Variants in WWOX observed in about 807,000 individuals in gnomAD.
WWOX encodes WW domain-containing oxidoreductase.
A neutral mutation model predicts 46.2 loss-of-function variants in WWOX; 69 were observed. The observed-to-expected ratio is 1.49, with a 90% confidence interval of 1.23 to 1.82. The LOEUF (loss-of-function observed/expected upper bound fraction) is 1.82. Among genes scored for constraint, WWOX ranks in the 40% most tolerant of loss-of-function variants. WWOX has a pLI of 0.00. For synonymous variants in WWOX, 359 were observed against 202.6 expected, an observed-to-expected ratio of 1.77 and a Z score of -6.56; for missense variants, 919 against 542.6, an observed-to-expected ratio of 1.69 and a Z score of -6.89.
chr16:78,780,526 A>G (rs894331633), intron 8 of WWOX: 8 of 152,250 alleles, frequency 5.3e-5, no homozygotes, highest in Admixed American at 2.0e-4. Context: ...GCAAGTAAAT[A>G]TACAAGATAA....
intron 8 of WWOX, among the ~76,000 whole-genome samples, chr16:78,984,816 C>A (rs905216074): frequency 1.2e-4 from 19 of 152,202 alleles, no homozygotes; most frequent in African/African-American, 3.9e-4. Flanking sequence ...AGGTAAGGAA[C>A]GTGTGCAGGG....
At chr16:78,112,208 C>T (rs1264786575) in intron 3 of WWOX, among the ~76,000 whole-genome samples, 1 of 152,182 alleles carries the variant, frequency 6.6e-6, no homozygotes, top group South Asian at 2.1e-4. Flanking sequence ...CTGATTGCTA[C>T]ATCATTTGGG....
At chr16:79,068,071 C>G (rs78702725) in intron 8 of WWOX, among the ~76,000 whole-genome samples, 12,983 of 152,224 alleles carry the variant, frequency 0.085, 626 homozygotes, top group Middle Eastern at 0.13. Context: ...GCTGCATGTA[C>G]AAGTGCACAG....
chr16:78,930,773 G>A (rs894935492), intron 8 of WWOX, among the ~76,000 whole-genome samples: 16 of 152,176 alleles, frequency 1.1e-4, no homozygotes, highest in Admixed American at 6.5e-4. Context: ...AGGTTCCACG[G>A]CACCTGTGAT....
intron 8 of WWOX, among the ~76,000 whole-genome samples, chr16:79,125,313 C>G (rs2049728038): frequency 6.6e-6 from 1 of 152,150 alleles, no homozygotes. Flanking sequence ...TTGTTGATTT[C>G]AAACACCCTG....
intron 8 of WWOX, among the ~76,000 whole-genome samples, chr16:78,695,031 C>G (rs2048069651): frequency 6.6e-6 from 1 of 152,156 alleles, no homozygotes; most frequent in Admixed American, 6.5e-5. Flanking sequence ...CAAGCTGCTT[C>G]TTTCAAATGC....
At chr16:79,059,485 T>C (rs1036378473) in intron 8 of WWOX, among the ~76,000 whole-genome samples, 1 of 152,218 alleles carries the variant, frequency 6.6e-6, no homozygotes, top group Non-Finnish European at 1.5e-5. Flanking sequence ...CAGTCTTTTT[T>C]ATTTATATGT....
chr16:79,193,550 A>G (rs150066834), intron 8 of WWOX, among the ~76,000 whole-genome samples: 152 of 152,266 alleles, frequency 1.0e-3, no homozygotes, highest in Middle Eastern at 3.4e-3. Context: ...TACCCAGCAG[A>G]TGAGATTTAG....
intron 8 of WWOX, among the ~76,000 whole-genome samples, chr16:78,486,972 C>T (rs896896098): frequency 5.9e-5 from 9 of 152,134 alleles, no homozygotes; most frequent in Non-Finnish European, 1.0e-4. Flanking sequence ...CACAATTTTC[C>T]GCTGGGGTGT....
rs186908097 is a variant in WWOX at position 78,122,673 on chromosome 16, C to T, written c.409+7519C>T. 5.3e-5 allele frequency among the ~76,000 whole-genome samples: 8 copies of T among 151,152 alleles called. No homozygotes were observed. The South Asian group carries it at 1.3e-3, about 24-fold the overall frequency. ...AGGCTGTAGTGCAGTGGCGTGATCTCAGCTCACTGCAACCTCCGCCTCCCG... is the reference window on the plus strand; with the variant it reads ...AGGCTGTAGTGCAGTGGCGTGATCTTAGCTCACTGCAACCTCCGCCTCCCG... On this transcript the variant is annotated intron_variant, in intron 4 of 8. Transcript: ENST00000566780.
intron 8 of WWOX, among the ~76,000 whole-genome samples, chr16:79,152,131 A>T (rs1349545192): frequency 2.0e-5 from 3 of 152,192 alleles, no homozygotes; most frequent in Non-Finnish European, 4.4e-5. Context: ...AGAGTAAAAG[A>T]TATCGATTTT....
chr16:78,506,446 C>A (rs1363515678), intron 8 of WWOX: 1 of 152,250 alleles, frequency 6.6e-6, no homozygotes, highest in South Asian at 2.1e-4. Flanking sequence ...CCCTCCACCC[C>A]CGGAAGGTAT....
chr16:78,551,089 T>A lies in WWOX; in HGVS notation c.1056+118337T>A, dbSNP rs924948296. 4.3e-4 allele frequency: 66 copies of A among 152,236 alleles called. 1 individual carries two copies. The highest frequency in any genetic ancestry group is 1.5e-3 in the African/African-American group (62 of 41,462). The allele number at this position is 152,236 out of a possible 1,614,324, so 9.4% of individuals were successfully genotyped here. A position where few individuals can be genotyped will look rare whatever the true frequency, so the allele number is the denominator to read the frequency against. ...CATGAAACAAATATCATGAATATAT[T>A]GTGTGAAACAAATATCGTGAATATA... On this transcript the variant is annotated intron_variant, in intron 8 of 8. Transcript: ENST00000566780.
At chr16:79,077,636 TCC>T (rs1555523688) in intron 8 of WWOX, 1 of 117,534 alleles carries the variant, frequency 8.5e-6, no homozygotes, top group Non-Finnish European at 1.9e-5. Flanking sequence ...CCTTAAATGG[TCC>T]CCCCTTTTTT....
intron 5 of WWOX, among the ~76,000 whole-genome samples, chr16:78,366,033 A>T (rs965027750): frequency 2.0e-5 from 3 of 152,182 alleles, no homozygotes; most frequent in Admixed American, 1.3e-4. Flanking sequence ...TCACTGGTTA[A>T]TCAGGGAATA....
At chr16:78,725,911 T>G (rs915870960) in intron 8 of WWOX, among the ~76,000 whole-genome samples, 11 of 152,110 alleles carry the variant, frequency 7.2e-5, no homozygotes, top group Middle Eastern at 6.8e-3. Context: ...TCTACTCCTT[T>G]TCTTCTCTTT....
At chr16:78,965,385 A>G (rs758999894) in intron 8 of WWOX, among the ~76,000 whole-genome samples, 1 of 152,082 alleles carries the variant, frequency 6.6e-6, no homozygotes, top group African/African-American at 2.4e-5. Flanking sequence ...CCTGGTCAAC[A>G]TGGTGAAACC....
chr16:78,642,772 G>A (rs1437892174), intron 8 of WWOX, among the ~76,000 whole-genome samples: 1 of 152,002 alleles, frequency 6.6e-6, no homozygotes, highest in Non-Finnish European at 1.5e-5. Context: ...GGAACTCAGG[G>A]CGTGAGGCAC....
At chr16:79,070,754 G>A (rs911850551) in intron 8 of WWOX, among the ~76,000 whole-genome samples, 4 of 152,178 alleles carry the variant, frequency 2.6e-5, no homozygotes, top group Non-Finnish European at 5.9e-5. Context: ...CAATGGAAAG[G>A]CCTCTTTTAA....
Sources: allele counts gnomAD v4.1 joint callset (sites outside exome capture counted in the v4.1 genomes callset), GRCh38; gene constraint gnomAD v4.1.1; transcripts MANE v1.5; gene names NCBI Gene and HGNC (gene_info 2026-07-23, HGNC 2026-07-21).